Variants in PILRA observed in about 807,000 individuals in gnomAD.
PILRA encodes the protein paired immunoglobin like type 2 receptor alpha, also known as paired immunoglobulin-like type 2 receptor alpha.
Under a neutral mutation model 33.1 loss-of-function variants are expected in PILRA, and 37 were observed. That is an observed-to-expected ratio of 1.12 (90% CI 0.86 to 1.47). The LOEUF (loss-of-function observed/expected upper bound fraction) is 1.47. Ranked by LOEUF, PILRA falls within the 40% of genes most tolerant of loss-of-function variation. PILRA has a pLI of 0.00. For synonymous variants in PILRA, 146 were observed against 149.9 expected, an observed-to-expected ratio of 0.97 and a Z score of 0.19; for missense variants, 312 against 376.2, an observed-to-expected ratio of 0.83 and a Z score of 1.41.
chr7:100,397,794 C>A, intron 3 of PILRA, 85 bp from the exon 4 acceptor site: 2 of 1,430,572 alleles, frequency 1.4e-6, no homozygotes, highest in South Asian at 2.3e-5. Context: ...TAAGGAGGGC[C>A]TCAGCCTAGG....
chr7:100,378,745 G>A (rs547405087), intron 2 of PILRA, among the ~76,000 whole-genome samples: 17 of 151,934 alleles, frequency 1.1e-4, no homozygotes, highest in Admixed American at 4.6e-4. Context: ...ATATTTCCTC[G>A]TTATTAATAT....
intron 2 of PILRA, among the ~76,000 whole-genome samples, chr7:100,381,521 A>G (rs980122184): frequency 1.3e-5 from 2 of 152,150 alleles, no homozygotes; most frequent in African/African-American, 4.8e-5. Flanking sequence ...CAAGGATGAA[A>G]TTTACTTTTG....
chr7:100,374,206 T>G lies in PILRA; in HGVS notation c.227T>G (p.Phe76Cys). The change falls in exon 2 of 7, where the codon TTC becomes TGC. Residue 76 changes from phenylalanine to cysteine, a missense_variant. Transcript: ENST00000198536. Reference sequence around the variant, plus strand: ...AGAATATCCTGGAGACGGGGCCACTTCCACAGGCAGTCCTTCTACAGCACA... The same window carrying G: ...AGAATATCCTGGAGACGGGGCCACTGCCACAGGCAGTCCTTCTACAGCACA... The part of the protein sequence containing the change: ...DVRISWRRGH[F>C]HRQSFYSTRP... 8 of 1,614,128 alleles carry G rather than the reference T, an allele frequency of 5.0e-6. No individual in the cohort carries two copies. Among genetic ancestry groups the G allele is most frequent in the African/African-American group, 2.7e-5 (2 of 74,992 alleles).
chr7:100,373,984 C>T (rs1790881494), intron 1 of PILRA, 60 bp from the exon 2 acceptor site: 1 of 1,580,766 alleles, frequency 6.3e-7, no homozygotes, highest in African/African-American at 1.3e-5. Context: ...TGGGGTCACC[C>T]TCTTTGTGTC....
intron 1 of PILRA, 25 bp from the exon 2 acceptor site, chr7:100,374,019 C>G: frequency 1.9e-6 from 3 of 1,609,194 alleles, no homozygotes; most frequent in Middle Eastern, 1.7e-4. Context: ...AGGTCTCTCC[C>G]CTACTCACTC....
chr7:100,388,749 C>CAAA lies in PILRA; in HGVS notation c.455-1112_455-1110dup, dbSNP rs913179599. Among the ~76,000 whole-genome samples the CAAA allele has an allele frequency of 1.2e-3, 16 of 12,844 alleles. 1 individual carries two copies. The highest frequency in any genetic ancestry group is 1.5e-3 in the Non-Finnish European group (8 of 5,172). 8.4% of individuals were successfully genotyped at this position (12,844 alleles called of 152,430 possible). On this transcript the variant is annotated intron_variant, in intron 2 of 6. Coordinates refer to ENST00000198536, the MANE Select transcript of PILRA (RefSeq NM_013439.3). ...TGGGTGACAGAGCGAGCCTCCGTCT[C>CAAA]AAAAAAAAAAAAAAAAAAAAAAAAA...
chr7:100,382,002 C>G (rs1207460944), intron 2 of PILRA, among the ~76,000 whole-genome samples: 2 of 118,386 alleles, frequency 1.7e-5, no homozygotes, highest in Non-Finnish European at 4.0e-5. Flanking sequence ...TCAGTCCCCA[C>G]CCCCACCCCC....
intron 2 of PILRA, among the ~76,000 whole-genome samples, chr7:100,379,339 A>G (rs1237311950): frequency 6.6e-6 from 1 of 151,626 alleles, no homozygotes; most frequent in Non-Finnish European, 1.5e-5. Context: ...AGATCATGCC[A>G]TTGCACTGCA....
chr7:100,381,323 G>A (rs1206243783), intron 2 of PILRA, among the ~76,000 whole-genome samples: 2 of 151,638 alleles, frequency 1.3e-5, no homozygotes, highest in Non-Finnish European at 2.9e-5. Context: ...GCACATGCCT[G>A]TAGTTCCAGC....
chr7:100,384,300 C>T (rs1171804529), intron 2 of PILRA, among the ~76,000 whole-genome samples: 1 of 149,240 alleles, frequency 6.7e-6, no homozygotes, highest in Non-Finnish European at 1.5e-5. Context: ...ACTAGACATA[C>T]AAATGGAGGT....
In PILRA at chr7:100,374,069, C is replaced by T. The variant is rs200599909; in HGVS notation, c.90C>T (p.Ser30=). The change falls in exon 2 of 7, where the codon AGC becomes AGT. Residue 30 remains serine, a synonymous_variant. Coordinates refer to ENST00000198536, the MANE Select transcript of PILRA (RefSeq NM_013439.3). ...GTGGCTCCACAGGATCTGGTCCAAG[C>T]TACCTTTATGGGGTCACTCAACCAA... The part of the protein sequence containing the change: ...QPSGSTGSGP[S]YLYGVTQPKH... 1.2e-6 allele frequency: 2 copies of T among 1,614,048 alleles called. No individual in the cohort carries two copies. Among genetic ancestry groups the T allele is most frequent in the Non-Finnish European group, 1.7e-6 (2 of 1,179,950 alleles).
intron 2 of PILRA, 114 bp downstream of exon 2, chr7:100,374,547 C>T: frequency 7.9e-7 from 1 of 1,258,650 alleles, no homozygotes; most frequent in South Asian, 1.2e-5. Context: ...CCCCTAAGTT[C>T]TCTCTTTGGC....
At chr7:100,382,654 GC>G (rs563719711) in intron 2 of PILRA, among the ~76,000 whole-genome samples, 2 of 152,166 alleles carry the variant, frequency 1.3e-5, no homozygotes, top group African/African-American at 2.4e-5. Flanking sequence ...AAAGCAGGCT[GC>G]CCCCCTGAGC....
chr7:100,394,739 A>G (rs1489315082), intron 3 of PILRA, among the ~76,000 whole-genome samples: 1 of 152,200 alleles, frequency 6.6e-6, no homozygotes, highest in African/African-American at 2.4e-5. Context: ...TTAATGGGCA[A>G]AGGACAATCT....
At chr7:100,387,862 A>G (rs1415071332) in intron 2 of PILRA, among the ~76,000 whole-genome samples, 1 of 152,040 alleles carries the variant, frequency 6.6e-6, no homozygotes, top group Admixed American at 6.6e-5. Flanking sequence ...TTCTGCATTT[A>G]TTTTGCCTGT....
intron 3 of PILRA, among the ~76,000 whole-genome samples, chr7:100,393,933 A>G (rs1439428480): frequency 6.6e-6 from 1 of 152,130 alleles, no homozygotes; most frequent in Non-Finnish European, 1.5e-5. Flanking sequence ...CACACAGCCG[A>G]TCCCCGCCCC....
intron 2 of PILRA, among the ~76,000 whole-genome samples, chr7:100,387,692 G>A (rs569259778): frequency 3.3e-5 from 5 of 152,118 alleles, no homozygotes; most frequent in African/African-American, 1.2e-4. Flanking sequence ...AGAGCAAGAC[G>A]GTGTCCAAAA....
Position 100,400,058 on chromosome 7 carries a change from T to A in PILRA, c.*151T>A. 2 of 582,104 alleles carry A rather than the reference T, an allele frequency of 3.4e-6. No individual in the cohort carries two copies. The highest frequency in any genetic ancestry group is 5.5e-6 in the Non-Finnish European group (2 of 363,822). The allele number at this position is 582,104 out of a possible 1,614,324, so 36.1% of individuals were successfully genotyped here. On this transcript the variant is annotated 3_prime_UTR_variant, in exon 7 of 7. Coordinates refer to ENST00000198536, the MANE Select transcript of PILRA (RefSeq NM_013439.3). ...AATGGAGCGAGATGCCATCTCTAGT[T>A]AAAAATATATATTAACAATAAAGTA...
At chr7:100,385,033 T>C (rs1481587228) in intron 2 of PILRA, among the ~76,000 whole-genome samples, 1 of 152,162 alleles carries the variant, frequency 6.6e-6, no homozygotes, top group Non-Finnish European at 1.5e-5. Context: ...GCTGAAAAGC[T>C]GAGTCAGATA....
Sources: gnomAD v4.1 joint callset for allele counts (sites outside exome capture counted in the v4.1 genomes callset) on GRCh38, gnomAD v4.1.1 for gene constraint, MANE v1.5 for transcripts, NCBI Gene and HGNC (gene_info 2026-07-23, HGNC 2026-07-21) for gene names.